Variants in FBXL18 observed in about 807,000 individuals in gnomAD.
FBXL18 encodes the protein F-box and leucine rich repeat protein 18.
A neutral mutation model predicts 46.0 loss-of-function variants in FBXL18; 36 were observed. The ratio of observed to expected loss-of-function variants is 0.78; its 90% confidence interval spans 0.60 to 1.03. FBXL18 has a LOEUF of 1.03. Ranked by LOEUF, FBXL18 falls within the 50% of genes least tolerant of loss-of-function variation. FBXL18 has a pLI of 0.00. For missense variants in FBXL18, 977 were observed against 1,004.1 expected, an observed-to-expected ratio of 0.97 and a Z score of 0.36; for synonymous variants, 557 against 465.3, an observed-to-expected ratio of 1.20 and a Z score of -2.54.
intron 3 of FBXL18, 100 bp from the exon 4 acceptor site, chr7:5,491,549 G>A (rs1251673879): frequency 7.7e-6 from 8 of 1,036,226 alleles, no homozygotes; most frequent in Non-Finnish European, 9.7e-6. Context: ...TCCTGGCCTG[G>A]GGCCCAGCCC....
intron 4 of FBXL18, among the ~76,000 whole-genome samples, chr7:5,469,604 G>C (rs1411049782): frequency 6.6e-6 from 1 of 151,930 alleles, no homozygotes; most frequent in Non-Finnish European, 1.5e-5. Flanking sequence ...AGATGAGAAC[G>C]TGTGTGGTGT....
At chr7:5,485,554 C>T (rs1300905137) in intron 4 of FBXL18, among the ~76,000 whole-genome samples, 1 of 152,148 alleles carries the variant, frequency 6.6e-6, no homozygotes, top group Non-Finnish European at 1.5e-5. Context: ...TGGCTCACGC[C>T]TGTAATCCCA....
chr7:5,506,517 A>G (rs1006455133), intron 1 of FBXL18, among the ~76,000 whole-genome samples: 1 of 147,646 alleles, frequency 6.8e-6, no homozygotes, highest in Non-Finnish European at 1.5e-5. Flanking sequence ...AGTCTCCCAA[A>G]GTGTTGGGAT....
intron 1 of FBXL18, among the ~76,000 whole-genome samples, chr7:5,512,924 G>C (rs1425675938): frequency 6.6e-6 from 1 of 152,070 alleles, no homozygotes; most frequent in Non-Finnish European, 1.5e-5. Context: ...CTAGAACCCA[G>C]GCAAGCTCCT....
At position 5,502,050 on chromosome 7, in the gene FBXL18, G is replaced by A. The variant is rs1267826023; in HGVS notation, c.238-19C>T. Reference sequence around the variant, plus strand: ...CGCTCGCCTGCGGGACAGAGGCAGGGTGGGGAGAGGAAGGAAAGGGCTGAA... The same window carrying A: ...CGCTCGCCTGCGGGACAGAGGCAGGATGGGGAGAGGAAGGAAAGGGCTGAA... On this transcript the variant is annotated intron_variant, in intron 2 of 4. Transcript: ENST00000382368. The A allele has an allele frequency of 1.3e-6, 2 of 1,539,404 alleles. No homozygotes were observed.
intron 3 of FBXL18, among the ~76,000 whole-genome samples, chr7:5,497,172 G>A (rs767650599): frequency 1.8e-4 from 28 of 151,864 alleles, no homozygotes; most frequent in Non-Finnish European, 2.9e-4. Flanking sequence ...ACTGCACTCC[G>A]GTCTGGGAGA....
chr7:5,464,285 C>T (rs1783309752), intron 4 of FBXL18, among the ~76,000 whole-genome samples: 2 of 152,004 alleles, frequency 1.3e-5, no homozygotes. Context: ...TCAAGACCAG[C>T]CTGGTCAACA....
At chr7:5,463,733 T>TTATTTTA (rs1783297225) in intron 4 of FBXL18, among the ~76,000 whole-genome samples, 2 of 23,152 alleles carry the variant, frequency 8.6e-5, no homozygotes, top group East Asian at 3.9e-3. Flanking sequence ...TATTTATTTT[T>TTATTTTA]TTTTTTTTTT....
Position 5,513,783 on chromosome 7 carries a change from G to T in FBXL18, c.-109C>A, listed in dbSNP as rs1387652136. The stretch of plus-strand genomic sequence containing the variant: ...GCGTCCACCGCTCAACCGAGACCCC[G>T]GCAAGGAGCGGGCTCTCGTCACTTC... On this transcript the variant is annotated 5_prime_UTR_variant, in exon 1 of 5. Transcript: ENST00000382368. 15 of 1,446,898 alleles carry T rather than the reference G, an allele frequency of 1.0e-5. No individual in the cohort carries two copies. Among genetic ancestry groups the T allele is most frequent in the East Asian group, 2.5e-5 (1 of 39,846 alleles). The allele number at this position is 1,446,898 out of a possible 1,614,324, so 89.6% of individuals were successfully genotyped here.
chr7:5,474,615 T>C (rs1783478459), downstream of FBXL18, among the ~76,000 whole-genome samples: 1 of 151,366 alleles, frequency 6.6e-6, no homozygotes, highest in South Asian at 2.1e-4. Context: ...CGCCCCCAGC[T>C]TGAACTATGC....
intron 4 of FBXL18, 65 bp from the exon 5 acceptor site, chr7:5,481,996 G>T: frequency 6.5e-7 from 1 of 1,533,162 alleles, no homozygotes; most frequent in Non-Finnish European, 8.8e-7. Flanking sequence ...AGCCTGCTGG[G>T]GAAGCCCAGG....
rs1343200569 is a variant in FBXL18 at position 5,501,214 on chromosome 7, C to A, written c.1055G>T (p.Gly352Val). The A allele has an allele frequency of 6.2e-7, 1 of 1,613,206 alleles. No individual in the cohort carries two copies. The highest frequency in any genetic ancestry group is 1.3e-5 in the African/African-American group (1 of 75,082). The change falls in exon 3 of 5, where the codon GGC becomes GTC. Residue 352 changes from glycine (G) to valine (V), a missense_variant. Gly to Val is a moderately radical substitution (Grantham distance 109). Transcript: ENST00000382368. ...LRSLASLNLSGCVHCLSPDSL... is the reference protein window; with the variant it reads ...LRSLASLNLSVCVHCLSPDSL... ...GTCTGGGGACAGGCAGTGGACGCAG[C>A]CGCTGAGGTTCAAGCTGGCCAGGCT...
rs1405667202 is a variant in FBXL18 at position 5,478,778 on chromosome 7, A to ACAGGCACACGTGCACG, written c.*2981_*2996dup. ...CAGGTACACGCAGGCACATGTACAC[A>ACAGGCACACGTGCACG]CAGGCACACGTGCACGCAGGCACAC... On this transcript the variant is annotated 3_prime_UTR_variant, in exon 5 of 5. Coordinates refer to ENST00000382368, the MANE Select transcript of FBXL18 (RefSeq NM_024963.6). The ACAGGCACACGTGCACG allele has an allele frequency of 6.6e-6, 1 of 150,972 alleles. No homozygotes were observed. Among genetic ancestry groups the ACAGGCACACGTGCACG allele is most frequent in the Non-Finnish European group, 1.5e-5 (1 of 67,734 alleles). 9.4% of individuals were successfully genotyped at this position (150,972 alleles called of 1,614,324 possible). A position where few individuals can be genotyped will look rare whatever the true frequency, so the allele number is the denominator to read the frequency against.
Position 5,463,706 on chromosome 7 carries a change from T to TATATATATATATATATA in FBXL18, c.2001-15864_2001-15863insTATATATATATATATAT, listed in dbSNP as rs374634728. Among the ~76,000 whole-genome samples the TATATATATATATATATA allele has an allele frequency of 4.4e-4, 26 of 59,460 alleles. 1 individual carries two copies. The highest frequency in any genetic ancestry group is 1.8e-3 in the African/African-American group (24 of 13,546). The allele number at this position is 59,460 out of a possible 152,430, so 39.0% of individuals were successfully genotyped here. On this transcript the variant is annotated intron_variant and NMD_transcript_variant, in intron 4 of 6. Transcript: ENST00000415009. Reference sequence around the variant, plus strand: ...TCATGCCCCTGAACTATATATATATTTATTTATTTATTTATTTATTTATTT... The same window carrying TATATATATATATATATA: ...TCATGCCCCTGAACTATATATATATTATATATATATATATATATATTTATTTATTTATTTATTTATTT...
At chr7:5,472,259 CACA>C (rs1252600396), downstream of FBXL18, among the ~76,000 whole-genome samples, 2 of 152,122 alleles carry the variant, frequency 1.3e-5, no homozygotes, top group Admixed American at 6.6e-5. Context: ...TAAAAATGGC[CACA>C]ACATGACCTC....
intron 4 of FBXL18, among the ~76,000 whole-genome samples, chr7:5,469,973 G>A (rs541357553): frequency 1.3e-5 from 2 of 152,256 alleles, no homozygotes; most frequent in South Asian, 2.1e-4. Context: ...AGTGTGGGAT[G>A]TGGCATGTGA....
At chr7:5,488,744 C>G (rs10807949) in intron 4 of FBXL18, among the ~76,000 whole-genome samples, 1 of 152,018 alleles carries the variant, frequency 6.6e-6, no homozygotes, top group Admixed American at 6.6e-5. Flanking sequence ...AGGCCCGAGG[C>G]TCTTCCCACA....
At chr7:5,488,777 G>A (rs576580702) in intron 4 of FBXL18, among the ~76,000 whole-genome samples, 2 of 152,326 alleles carry the variant, frequency 1.3e-5, no homozygotes, top group South Asian at 2.1e-4. Context: ...GAGCTAGGGC[G>A]GAGCTGCCTG....
Position 5,465,858 on chromosome 7 carries a change from C to T in FBXL18, c.2001-18015G>A, listed in dbSNP as rs539615559. The stretch of plus-strand genomic sequence containing the variant: ...TTGGAAATGGAGTCTTAGTCTGTCG[C>T]CCAGTCTGGAGTGCAGGGGCACAAT... On this transcript the variant is annotated intron_variant and NMD_transcript_variant, in intron 4 of 6. Coordinates refer to the FBXL18 transcript ENST00000415009. Among the ~76,000 whole-genome samples the T allele has an allele frequency of 4.8e-4, 73 of 151,192 alleles. No individual in the cohort carries two copies. In the Middle Eastern group the frequency reaches 0.017, roughly 35 times the overall value.
Sources: allele counts gnomAD v4.1 joint callset (sites outside exome capture counted in the v4.1 genomes callset), GRCh38; gene constraint gnomAD v4.1.1; transcripts MANE v1.5; gene names NCBI Gene and HGNC (gene_info 2026-07-23, HGNC 2026-07-21).